The following CHRM3 variants were observed in gnomAD, a reference collection of about 807,000 sequenced individuals.
CHRM3 encodes the protein cholinergic receptor muscarinic 3.
CHRM3 carries 11 observed loss-of-function variants against 41.8 expected under a neutral mutation model. The ratio of observed to expected loss-of-function variants is 0.26; its 90% CI spans 0.17 to 0.44. The LOEUF is 0.44. Among genes scored for constraint, CHRM3 ranks in the 20% least tolerant of loss-of-function variants. CHRM3 has a pLI of 1.00. For synonymous variants in CHRM3, 297 were observed against 301.4 expected (o/e 0.99, Z 0.15); for missense variants, 571 against 745.4 (o/e 0.77, Z 2.72).
chr1:239,399,962 G>A (rs561760340), intron 1 of CHRM3, among the ~76,000 whole-genome samples: 9 of 151,968 alleles, frequency 5.9e-5, no homozygotes, highest in Non-Finnish European at 1.0e-4. Context: ...GCCCAGGCTG[G>A]AGTGCAATGG....
chr1:239,908,828 G>T lies in CHRM3; in HGVS notation c.1377G>T (p.Lys459Asn), dbSNP rs1407655504. Residue 459 changes from lysine to asparagine, a missense_variant, in exon 7 of 7, where the codon AAG (lysine) becomes AAT (asparagine). By Grantham distance (94) the Lys-to-Asn change is moderately conservative (BLOSUM62 0). Coordinates refer to ENST00000676153, the MANE Select transcript of CHRM3 (RefSeq NM_001375978.1). The surrounding 1 kb of genome is among the most constrained non-coding windows in gnomAD (Gnocchi z 7.2). ...KSTATLPLSF[K>N]EATLAKRFAL... The stretch of plus-strand genomic sequence containing the variant: ...CGGCCACTCTACCTCTGTCCTTCAA[G>T]GAAGCCACTCTGGCCAAGAGGTTTG... The T allele has an allele frequency of 6.2e-7, 1 of 1,614,102 alleles. No homozygotes were observed. Among genetic ancestry groups the T allele is most frequent in the Admixed American group, 1.7e-5 (1 of 60,000 alleles).
intron 1 of CHRM3, among the ~76,000 whole-genome samples, chr1:239,441,743 A>G (rs1023683796): frequency 1.3e-5 from 2 of 152,196 alleles, no homozygotes; most frequent in Non-Finnish European, 2.9e-5. Context: ...CCAATTTTTT[A>G]TAGTTGTAGC....
chr1:239,428,056 C>A (rs1357602073), intron 1 of CHRM3, among the ~76,000 whole-genome samples: 3 of 152,074 alleles, frequency 2.0e-5, no homozygotes, highest in Non-Finnish European at 1.5e-5. Context: ...GTTTGCCGTC[C>A]TATATAGTAG....
At chr1:239,391,366 C>T (rs1659021924) in intron 1 of CHRM3, among the ~76,000 whole-genome samples, 1 of 152,154 alleles carries the variant, frequency 6.6e-6, no homozygotes, top group Non-Finnish European at 1.5e-5. Context: ...GATTGGAACC[C>T]AGAGCCCCCT....
chr1:239,438,298 A>AT (rs910158650), intron 1 of CHRM3, among the ~76,000 whole-genome samples: 5 of 151,996 alleles, frequency 3.3e-5, no homozygotes, highest in South Asian at 2.1e-4. Flanking sequence ...AGAAATCTTG[A>AT]TTTTTTTTCA....
intron 5 of CHRM3, among the ~76,000 whole-genome samples, chr1:239,813,742 C>G (rs1671312851): frequency 8.2e-6 from 1 of 121,238 alleles, no homozygotes; most frequent in African/African-American, 3.7e-5. Context: ...ACGGTGAAAC[C>G]CCGTCTCTAC....
chr1:239,499,250 A>G (rs762892229), intron 2 of CHRM3, among the ~76,000 whole-genome samples: 19 of 152,164 alleles, frequency 1.2e-4, no homozygotes, highest in Non-Finnish European at 2.4e-4. Context: ...AAGGAGGTAC[A>G]GAGAAAGGAA....
intron 2 of CHRM3, among the ~76,000 whole-genome samples, chr1:239,511,104 C>T (rs1247366918): frequency 1.3e-5 from 2 of 152,292 alleles, no homozygotes; most frequent in East Asian, 3.9e-4. Context: ...TGCTGAGCAG[C>T]CTCATGTGTT....
At chr1:239,660,048 A>G (rs1673050329) in intron 4 of CHRM3, among the ~76,000 whole-genome samples, 1 of 152,180 alleles carries the variant, frequency 6.6e-6, no homozygotes, top group South Asian at 2.1e-4. Context: ...GCAGCGTCCA[A>G]ATCCTGGGCT....
rs894399426 is a variant in CHRM3, at chr1:239,911,602, A to C, written c.*2378A>C. 4 of 166,916 alleles carry C rather than the reference A, an allele frequency of 2.4e-5. No individual in the cohort carries two copies. Among genetic ancestry groups the C allele is most frequent in the Non-Finnish European group, 5.9e-5 (4 of 68,102 alleles). The allele number at this position is 166,916 out of a possible 1,614,324, so 10.3% of individuals were successfully genotyped here. ...GAGAAAAGGAGAAACCCTGAAATTT[A>C]ACAGAACTTTGAGAGTCACTTCCAA... On this transcript the variant is annotated 3_prime_UTR_variant, in exon 7 of 7. Coordinates refer to ENST00000676153, the MANE Select transcript of CHRM3 (RefSeq NM_001375978.1).
At chr1:239,641,719 A>T (rs1445138207) in intron 4 of CHRM3, among the ~76,000 whole-genome samples, 2 of 143,356 alleles carry the variant, frequency 1.4e-5, no homozygotes, top group Middle Eastern at 3.4e-3. Flanking sequence ...CTCTTTATCC[A>T]ATTTGCCAGT....
At position 239,650,298 on chromosome 1, in the gene CHRM3, A is replaced by C. The variant is rs533429896; in HGVS notation, c.-250+18012A>C. On this transcript the variant is annotated intron_variant, in intron 4 of 6. Transcript: ENST00000676153. ...TCATAGTATAATACCTGCTACATAT[A>C]TGTCATGGCCTGCCAAGGTTAGCAG... Among the ~76,000 whole-genome samples the C allele has an allele frequency of 2.0e-5, 3 of 152,342 alleles. No individual in the cohort carries two copies. In the South Asian group the frequency reaches 6.2e-4, roughly 32 times the overall value.
chr1:239,578,247 T>C, intron 3 of CHRM3, among the ~76,000 whole-genome samples: 1 of 152,314 alleles, frequency 6.6e-6, no homozygotes, highest in African/African-American at 2.4e-5. Context: ...TTCATGAATC[T>C]GTGTCTTGTG....
chr1:239,723,706 TTGTA>T (rs1364672635), intron 5 of CHRM3, among the ~76,000 whole-genome samples: 1 of 151,866 alleles, frequency 6.6e-6, no homozygotes, highest in Non-Finnish European at 1.5e-5. Flanking sequence ...TTGGGGCAAA[TTGTA>T]TGAGATGTGT....
chr1:239,411,679 C>T (rs539438113), intron 1 of CHRM3, among the ~76,000 whole-genome samples: 3 of 133,176 alleles, frequency 2.3e-5, no homozygotes, highest in South Asian at 2.4e-4. Context: ...GAGCCAAGAT[C>T]GCCCCATTGC....
chr1:239,447,188 C>T (rs1664212183), intron 1 of CHRM3, among the ~76,000 whole-genome samples: 1 of 151,964 alleles, frequency 6.6e-6, no homozygotes, highest in Admixed American at 6.6e-5. Flanking sequence ...TGGTTTTTTT[C>T]ACAGTAATTT....
At chr1:239,651,317 G>A (rs1285103637) in intron 4 of CHRM3, among the ~76,000 whole-genome samples, 1 of 152,194 alleles carries the variant, frequency 6.6e-6, no homozygotes, top group African/African-American at 2.4e-5. Flanking sequence ...TAATGTAGGT[G>A]GAGATAGGAT....
At chr1:239,562,097 A>G (rs1660910414) in intron 3 of CHRM3, among the ~76,000 whole-genome samples, 1 of 152,150 alleles carries the variant, frequency 6.6e-6, no homozygotes, top group African/African-American at 2.4e-5. Flanking sequence ...TCATGTTGGC[A>G]TCTACTAATG....
chr1:239,453,449 T>C (rs1664704753), intron 1 of CHRM3, among the ~76,000 whole-genome samples: 1 of 152,200 alleles, frequency 6.6e-6, no homozygotes, highest in African/African-American at 2.4e-5. Context: ...TCTAAATGGA[T>C]ACCAATGTCT....
Sources: allele counts gnomAD v4.1 joint callset (sites outside exome capture counted in the v4.1 genomes callset), GRCh38; gene constraint gnomAD v4.1.1; non-coding constraint Gnocchi (gnomAD v3.1); transcripts MANE v1.5; gene names NCBI Gene and HGNC (gene_info 2026-07-23, HGNC 2026-07-21).